Variants in ROBO2 observed in about 807,000 individuals in gnomAD.
ROBO2 encodes the protein roundabout homolog 2.
A neutral mutation model predicts 160.8 loss-of-function variants in ROBO2; 53 were observed. The observed-to-expected ratio is 0.33, with a 90% CI of 0.26 to 0.41. ROBO2 has a LOEUF of 0.41. Ranked by LOEUF, ROBO2 falls within the 10% of genes least tolerant of loss-of-function variation. The pLI, the probability that ROBO2 is intolerant of heterozygous loss-of-function variation, is 1.00. For synonymous variants in ROBO2, 664 were observed against 611.7 expected (o/e 1.09, Z -1.26); for missense variants, 1,577 against 1,722.4 (o/e 0.92, Z 1.49).
intron 1 of ROBO2, among the ~76,000 whole-genome samples, chr3:77,056,704 A>G (rs1162738106): frequency 6.6e-6 from 1 of 152,174 alleles, no homozygotes; most frequent in Non-Finnish European, 1.5e-5. Context: ...TTAAGGCTGT[A>G]ACTTTTTTTC....
chr3:77,171,034 C>A (rs1415546306), intron 2 of ROBO2, among the ~76,000 whole-genome samples: 1 of 151,998 alleles, frequency 6.6e-6, no homozygotes, highest in African/African-American at 2.4e-5. Context: ...CAGGGATGTG[C>A]CGGTGAGACT....
intron 2 of ROBO2, among the ~76,000 whole-genome samples, chr3:76,907,502 C>T (rs1163363782): frequency 6.6e-6 from 1 of 152,060 alleles, no homozygotes; most frequent in African/African-American, 2.4e-5. Context: ...CTTTCTTTCT[C>T]TCTCTTCTTG....
At chr3:76,795,713 C>G (rs2063647919) in intron 2 of ROBO2, among the ~76,000 whole-genome samples, 1 of 152,054 alleles carries the variant, frequency 6.6e-6, no homozygotes, top group African/African-American at 2.4e-5. Context: ...TTGAACATCC[C>G]ATTAATGTTG....
chr3:76,389,905 G>C (rs1028477401), intron 2 of ROBO2, among the ~76,000 whole-genome samples: 2 of 152,130 alleles, frequency 1.3e-5, no homozygotes, highest in African/African-American at 4.8e-5. Context: ...ATCTTACCTT[G>C]GGACATGAGA....
chr3:76,909,195 C>T (rs2075810572), intron 2 of ROBO2, among the ~76,000 whole-genome samples: 1 of 152,158 alleles, frequency 6.6e-6, no homozygotes, highest in African/African-American at 2.4e-5. Flanking sequence ...TCACTGTACT[C>T]CAGCCTCAGT....
intron 2 of ROBO2, among the ~76,000 whole-genome samples, chr3:76,043,657 AAAC>A (rs1405105415): frequency 6.6e-6 from 1 of 150,816 alleles, no homozygotes; most frequent in Non-Finnish European, 1.5e-5. Flanking sequence ...CCACACCAAA[AAAC>A]CAAACCAAAA....
At chr3:76,869,294 A>G (rs1466645332) in intron 2 of ROBO2, among the ~76,000 whole-genome samples, 4 of 151,332 alleles carry the variant, frequency 2.6e-5, no homozygotes, top group Non-Finnish European at 5.9e-5. Context: ...CAACAAATGG[A>G]CATGTATAGT....
intron 2 of ROBO2, among the ~76,000 whole-genome samples, chr3:76,526,977 T>C (rs910808008): frequency 6.6e-6 from 1 of 152,100 alleles, no homozygotes; most frequent in African/African-American, 2.4e-5. Flanking sequence ...CAATGATGTA[T>C]GTTGTTAAAC....
rs949245478 is a variant in ROBO2, at chr3:76,339,590, A to G, written c.109+401988A>G. 2.0e-5 allele frequency among the ~76,000 whole-genome samples: 3 copies of G among 151,978 alleles called. 1 individual carries two copies. Among genetic ancestry groups the G allele is most frequent in the African/African-American group, 7.3e-5 (3 of 41,366 alleles). On this transcript the variant is annotated intron_variant, in intron 2 of 26. Coordinates refer to the ROBO2 transcript ENST00000487694. ...TCTATGTGTTAATTTCCTCTTCCATATGGTATGCATGTTAAGTTTACTCAT... is the reference window on the plus strand; with the variant it reads ...TCTATGTGTTAATTTCCTCTTCCATGTGGTATGCATGTTAAGTTTACTCAT...
chr3:76,386,152 A>G (rs2076870675), intron 2 of ROBO2, among the ~76,000 whole-genome samples: 2 of 152,160 alleles, frequency 1.3e-5, no homozygotes, highest in Non-Finnish European at 2.9e-5. Flanking sequence ...AGTAATATGT[A>G]TGTTATATTG....
At chr3:76,538,567 G>A (rs2082643432) in intron 2 of ROBO2, among the ~76,000 whole-genome samples, 1 of 152,170 alleles carries the variant, frequency 6.6e-6, no homozygotes, top group Admixed American at 6.5e-5. Context: ...CTATTGGTGT[G>A]AAAACCAATT....
intron 2 of ROBO2, among the ~76,000 whole-genome samples, chr3:76,318,531 G>A (rs2072237689): frequency 6.6e-6 from 1 of 152,044 alleles, no homozygotes; most frequent in Non-Finnish European, 1.5e-5. Flanking sequence ...GATGCTTGGA[G>A]GGGTTATTTA....
rs569222308 is a variant in ROBO2, at chr3:76,398,025, C to T, written c.109+460423C>T. ...ATGCTGCCATAAAGACACATGTACACGTATGTTTATTGTGGCACTATTCAC... is the reference window on the plus strand; with the variant it reads ...ATGCTGCCATAAAGACACATGTACATGTATGTTTATTGTGGCACTATTCAC... On this transcript the variant is annotated intron_variant, in intron 2 of 26. Coordinates refer to the ROBO2 transcript ENST00000487694. Among the ~76,000 whole-genome samples the T allele has an allele frequency of 4.9e-4, 74 of 152,106 alleles. No homozygotes were observed. In the South Asian group the frequency reaches 0.014, roughly 28 times the overall value.
At chr3:77,041,080 T>G (rs1228886390) in intron 1 of ROBO2, among the ~76,000 whole-genome samples, 1 of 152,242 alleles carries the variant, frequency 6.6e-6, no homozygotes, top group African/African-American at 2.4e-5. Flanking sequence ...TGTAATTTAC[T>G]TCACTAATTA....
chr3:76,888,250 C>A (rs2074063406), intron 2 of ROBO2, among the ~76,000 whole-genome samples: 1 of 151,992 alleles, frequency 6.6e-6, no homozygotes, highest in African/African-American at 2.4e-5. Flanking sequence ...CGCCTGTAAT[C>A]CCAGCTACTC....
chr3:76,833,228 T>G (rs2067238075), intron 2 of ROBO2, among the ~76,000 whole-genome samples: 2 of 152,138 alleles, frequency 1.3e-5, no homozygotes, highest in Admixed American at 6.6e-5. Flanking sequence ...TTAGGCCTGG[T>G]TATATAGTCC....
intron 2 of ROBO2, among the ~76,000 whole-genome samples, chr3:77,416,575 G>C (rs575194150): frequency 1.3e-5 from 2 of 151,978 alleles, no homozygotes; most frequent in Non-Finnish European, 2.9e-5. Context: ...AAATCAGCCA[G>C]GTGCAGTGGC....
chr3:77,013,673 C>A (rs2062052189), intron 2 of ROBO2, among the ~76,000 whole-genome samples: 1 of 152,022 alleles, frequency 6.6e-6, no homozygotes, highest in Admixed American at 6.6e-5. Context: ...AAATCCTAAG[C>A]TTATAACAAA....
At chr3:77,437,455 T>C (rs2079410302) in intron 2 of ROBO2, among the ~76,000 whole-genome samples, 1 of 152,096 alleles carries the variant, frequency 6.6e-6, no homozygotes, top group Admixed American at 6.6e-5. Flanking sequence ...TAAATAGAAA[T>C]AGTGATTATT....
Sources: gnomAD v4.1 joint callset for allele counts (sites outside exome capture counted in the v4.1 genomes callset) on GRCh38, gnomAD v4.1.1 for gene constraint, MANE v1.5 for transcripts, NCBI Gene and HGNC (gene_info 2026-07-23, HGNC 2026-07-21) for gene names.